The following UBL3 variants were observed in gnomAD, a reference collection of about 807,000 sequenced individuals.
UBL3 encodes ubiquitin like 3, also known as ubiquitin-like protein 3.
In UBL3, 6 loss-of-function variants were observed where a neutral mutation model predicts 18.4. That is an observed-to-expected ratio of 0.33 (90% CI 0.18 to 0.64). UBL3 has a LOEUF of 0.64. Ranked by LOEUF, UBL3 falls within the 30% of genes least tolerant of loss-of-function variation. UBL3 has a pLI of 0.76. For synonymous variants in UBL3, 49 were observed against 46.6 expected (o/e 1.05, Z -0.21); for missense variants, 109 against 142.9 (o/e 0.76, Z 1.21).
chr13:29,781,829 A>T lies in UBL3; in HGVS notation c.28-4566T>A, dbSNP rs1018263731. ...TGCGACCCTGTCTCTACAAAAAATT[A>T]AAAAAAAAAAAAAAAAAAAAAAGCC... is the stretch of plus-strand genomic sequence containing the variant. On this transcript the variant is annotated intron_variant, in intron 1 of 4. Coordinates refer to ENST00000380680, the MANE Select transcript of UBL3 (RefSeq NM_007106.4). Among the ~76,000 whole-genome samples the T allele has an allele frequency of 2.3e-3, 9 of 3,862 alleles. No homozygotes were observed. The South Asian group carries it at 0.028, about 12-fold the overall frequency. The allele number at this position is 3,862 out of a possible 152,430, so 2.5% of individuals were successfully genotyped here. A position where few individuals can be genotyped will look rare whatever the true frequency, so the allele number is the denominator to read the frequency against.
intron 1 of UBL3, among the ~76,000 whole-genome samples, chr13:29,810,187 A>T (rs1185709402): frequency 2.6e-5 from 4 of 152,154 alleles, no homozygotes; most frequent in African/African-American, 9.7e-5. Flanking sequence ...TGGTATCAAT[A>T]GGATCAATCC....
chr13:29,769,066 A>G (rs529521831), intron 3 of UBL3, among the ~76,000 whole-genome samples: 2 of 152,222 alleles, frequency 1.3e-5, no homozygotes, highest in Non-Finnish European at 1.5e-5. Context: ...TAATTCCATT[A>G]CCTGCCCTTT....
At chr13:29,815,647 G>A (rs1343125940) in intron 1 of UBL3, among the ~76,000 whole-genome samples, 1 of 152,146 alleles carries the variant, frequency 6.6e-6, no homozygotes, top group Non-Finnish European at 1.5e-5. Context: ...CAATGTTACT[G>A]ACATTTTAGG....
At chr13:29,824,006 C>T (rs982051810) in intron 1 of UBL3, among the ~76,000 whole-genome samples, 2 of 152,102 alleles carry the variant, frequency 1.3e-5, no homozygotes, top group African/African-American at 2.4e-5. Context: ...TGGTTTCCAG[C>T]TTCATCCATG....
At chr13:29,823,532 C>T (rs1487945301) in intron 1 of UBL3, among the ~76,000 whole-genome samples, 1 of 152,178 alleles carries the variant, frequency 6.6e-6, no homozygotes, top group Non-Finnish European at 1.5e-5. Flanking sequence ...AAACACTTCT[C>T]TTTAGGAACC....
At chr13:29,798,169 C>G (rs1244161441) in intron 1 of UBL3, among the ~76,000 whole-genome samples, 2 of 151,908 alleles carry the variant, frequency 1.3e-5, no homozygotes, top group Non-Finnish European at 2.9e-5. Context: ...AGATTACAGG[C>G]ACCCATCCCC....
At chr13:29,835,132 ATATAT>A (rs1566001078) in intron 1 of UBL3, among the ~76,000 whole-genome samples, 98 of 5,948 alleles carry the variant, frequency 0.016, 4 homozygotes, top group Non-Finnish European at 0.026. Context: ...ATAAATATAT[ATATAT>A]ATATATATAT....
chr13:29,845,890 G>A (rs538580831), intron 1 of UBL3, among the ~76,000 whole-genome samples: 1 of 152,114 alleles, frequency 6.6e-6, no homozygotes, highest in Non-Finnish European at 1.5e-5. Flanking sequence ...CTCTCTTAAA[G>A]TTTTCAATGT....
At position 29,783,109 on chromosome 13, in the gene UBL3, G is replaced by A. The variant is rs80001450; in HGVS notation, c.28-5846C>T. Among the ~76,000 whole-genome samples, 1,443 of 152,350 alleles carry A rather than the reference G, an allele frequency of 9.5e-3. 7 individuals are homozygous for A. Among genetic ancestry groups the A allele is most frequent in the Non-Finnish European group, 0.015 (1,029 of 68,034 alleles). On this transcript the variant is annotated intron_variant, in intron 1 of 4. Coordinates refer to ENST00000380680, the MANE Select transcript of UBL3 (RefSeq NM_007106.4). Reference sequence around the variant, plus strand: ...AATGAGTGGCATAGTATGTAGAACAGGAATGGATAATAATTGTTTCTTGGT... The same window carrying A: ...AATGAGTGGCATAGTATGTAGAACAAGAATGGATAATAATTGTTTCTTGGT...
intron 1 of UBL3, among the ~76,000 whole-genome samples, chr13:29,783,580 A>G (rs1877234115): frequency 1.3e-5 from 2 of 152,224 alleles, no homozygotes; most frequent in South Asian, 2.1e-4. Flanking sequence ...CTATGCTATA[A>G]TAAGAATCTT....
At chr13:29,829,568 T>C (rs1175799329) in intron 1 of UBL3, among the ~76,000 whole-genome samples, 1 of 152,168 alleles carries the variant, frequency 6.6e-6, no homozygotes, top group Non-Finnish European at 1.5e-5. Flanking sequence ...AGTGACCCAA[T>C]TTCCCAGGTG....
chr13:29,788,976 C>T (rs928600045), intron 1 of UBL3, among the ~76,000 whole-genome samples: 1 of 151,778 alleles, frequency 6.6e-6, no homozygotes, highest in Non-Finnish European at 1.5e-5. Context: ...CTCGGCTCAC[C>T]GCAACCTCCA....
intron 1 of UBL3, among the ~76,000 whole-genome samples, chr13:29,812,021 G>A (rs772771372): frequency 6.6e-6 from 1 of 151,760 alleles, no homozygotes; most frequent in South Asian, 2.1e-4. Flanking sequence ...GGTTGAACTC[G>A]TACTAATGTT....
rs143024245 is a variant in UBL3, at chr13:29,818,507, A to C, written c.27+31005T>G. Among the ~76,000 whole-genome samples, 344 of 152,320 alleles carry C rather than the reference A, an allele frequency of 2.3e-3. 2 individuals carry two copies. Among genetic ancestry groups the C allele is most frequent in the African/African-American group, 8.1e-3 (336 of 41,580 alleles). ...GAAGATGAAAACTAATAATTTCTCA[A>C]ATTAAGGCCAATCAATCACCTGACA... On this transcript the variant is annotated intron_variant, in intron 1 of 4. Transcript: ENST00000380680.
chr13:29,770,254 T>C (rs952066194), intron 3 of UBL3, among the ~76,000 whole-genome samples: 2 of 152,038 alleles, frequency 1.3e-5, no homozygotes, highest in Non-Finnish European at 2.9e-5. Context: ...AGACAAATAG[T>C]TGAATGTTGT....
At chr13:29,819,688 G>T (rs1050026021) in intron 1 of UBL3, among the ~76,000 whole-genome samples, 31 of 152,008 alleles carry the variant, frequency 2.0e-4, no homozygotes, top group African/African-American at 7.5e-4. Context: ...TACCAGAAAA[G>T]ACATCACTTT....
At chr13:29,788,888 C>T (rs1187652346) in intron 1 of UBL3, among the ~76,000 whole-genome samples, 1 of 26,430 alleles carries the variant, frequency 3.8e-5, no homozygotes, top group African/African-American at 8.6e-5. Flanking sequence ...CGCGCGCACG[C>T]GCACGTGTGT....
At chr13:29,777,658 A>G (rs1565989554) in intron 1 of UBL3, among the ~76,000 whole-genome samples, 1 of 152,214 alleles carries the variant, frequency 6.6e-6, no homozygotes, top group African/African-American at 2.4e-5. Flanking sequence ...AAACAGAAAA[A>G]AAATTTAGTT....
intron 1 of UBL3, among the ~76,000 whole-genome samples, chr13:29,828,292 T>C (rs1878677203): frequency 2.0e-5 from 3 of 152,192 alleles, no homozygotes; most frequent in African/African-American, 7.2e-5. Context: ...TTGGTTCCAT[T>C]CTCCCCATCA....
Sources: allele counts gnomAD v4.1 joint callset (sites outside exome capture counted in the v4.1 genomes callset), GRCh38; gene constraint gnomAD v4.1.1; transcripts MANE v1.5; gene names NCBI Gene and HGNC (gene_info 2026-07-23, HGNC 2026-07-21).